KCNK5: variants seen among roughly 807,000 people sequenced by gnomAD.
KCNK5 encodes potassium channel subfamily K member 5.
In KCNK5, 18 loss-of-function variants were observed where a neutral mutation model predicts 32.9. The ratio of observed to expected loss-of-function variants is 0.55; its 90% CI spans 0.38 to 0.81. The LOEUF is 0.81. KCNK5 is among the 30% of genes least tolerant of loss of function. KCNK5 has a pLI of 0.00. For missense variants in KCNK5, 507 were observed against 651.0 expected, an observed-to-expected ratio of 0.78 and a Z score of 2.41; for synonymous variants, 276 against 275.3, an observed-to-expected ratio of 1.00 and a Z score of -0.03.
rs190897362 is a variant in KCNK5, at chr6:39,227,386, A to C, written c.186+1540T>G. Reference sequence around the variant, plus strand: ...TAAAGCAACCCCCTCCCCACAACACACCCCCCAGGGTAGACGCCCATCAGA... The same window carrying C: ...TAAAGCAACCCCCTCCCCACAACACCCCCCCCAGGGTAGACGCCCATCAGA... On this transcript the variant is annotated intron_variant, in intron 1 of 4. Transcript: ENST00000359534. 2.4e-3 allele frequency among the ~76,000 whole-genome samples: 357 copies of C among 151,350 alleles called. 6 individuals carry two copies. The highest frequency in any genetic ancestry group is 6.1e-3 in the African/African-American group (250 of 41,174).
At chr6:39,211,748 G>A (rs149382816) in intron 1 of KCNK5, among the ~76,000 whole-genome samples, 1,908 of 152,170 alleles carry the variant, frequency 0.013, 44 homozygotes, top group African/African-American at 0.043. Context: ...TAGATCACAT[G>A]AGGTCAGGAG....
intron 1 of KCNK5, among the ~76,000 whole-genome samples, chr6:39,223,533 G>A (rs1223711271): frequency 6.6e-6 from 1 of 152,162 alleles, no homozygotes; most frequent in African/African-American, 2.4e-5. Flanking sequence ...GCTTTCCTAT[G>A]GTCTCCTACC....
Position 39,191,348 on chromosome 6 carries a change from A to C in KCNK5, c.1042T>G (p.Ser348Ala). The C allele has an allele frequency of 6.2e-7, 1 of 1,613,800 alleles. No individual in the cohort carries two copies. Residue 348 changes from serine to alanine, a missense_variant, in exon 5 of 5, where the codon TCC becomes GCC. Coordinates refer to ENST00000359534, the MANE Select transcript of KCNK5 (RefSeq NM_003740.4). This position sits in a 1 kb window ranked among gnomAD's most constrained non-coding sequence, Gnocchi z 5.8. ...PPSLVPLVVY[S>A]KNRVPTLEEV... ...TCCAAGGTGGGCACCCGGTTCTTGG[A>C]GTAGACTACCAGGGGCACCAGGGAA...
chr6:39,192,786 G>A (rs959923770), intron 4 of KCNK5, among the ~76,000 whole-genome samples: 23 of 152,212 alleles, frequency 1.5e-4, no homozygotes, highest in Non-Finnish European at 2.5e-4. Context: ...TTGAAATGTC[G>A]TTGACGACTA....
intron 1 of KCNK5, among the ~76,000 whole-genome samples, chr6:39,206,473 G>A (rs2113787743): frequency 6.6e-6 from 1 of 152,308 alleles, no homozygotes; most frequent in South Asian, 2.1e-4. Flanking sequence ...CTTGGAGCAG[G>A]CCAGAAAGGT....
Position 39,190,715 on chromosome 6 carries a change from T to C in KCNK5, c.*175A>G. 1.8e-6 allele frequency: 1 copy of C among 565,734 alleles called. No individual in the cohort carries two copies. Among genetic ancestry groups the C allele is most frequent in the Non-Finnish European group, 2.9e-6 (1 of 344,092 alleles). The allele number at this position is 565,734 out of a possible 1,614,324, so 35.0% of individuals were successfully genotyped here. On this transcript the variant is annotated 3_prime_UTR_variant, in exon 5 of 5. Transcript: ENST00000359534. ...TGGTTCAGCTGGAGAACAGAGGCCC[T>C]GTCCCGGGCATACATCTAGCTGAGG...
intron 1 of KCNK5, among the ~76,000 whole-genome samples, chr6:39,213,178 T>C (rs1771370981): frequency 2.0e-5 from 3 of 152,232 alleles, no homozygotes. Flanking sequence ...CAGATGTTTG[T>C]ATACCTCACA....
chr6:39,201,773 C>T (rs1771137307), intron 1 of KCNK5, among the ~76,000 whole-genome samples: 1 of 152,184 alleles, frequency 6.6e-6, no homozygotes, highest in Admixed American at 6.6e-5. Flanking sequence ...TATTTAAGCA[C>T]TTATGAAGAC....
At chr6:39,214,754 A>C (rs1226942838) in intron 1 of KCNK5, among the ~76,000 whole-genome samples, 1 of 152,146 alleles carries the variant, frequency 6.6e-6, no homozygotes, top group African/African-American at 2.4e-5. Flanking sequence ...GCAGCTAGAA[A>C]GGAGGCAACC....
chr6:39,223,330 G>A lies in KCNK5; in HGVS notation c.186+5596C>T, dbSNP rs548123262. Among the ~76,000 whole-genome samples the A allele has an allele frequency of 3.9e-5, 6 of 152,318 alleles. No individual in the cohort carries two copies. The East Asian group carries it at 7.7e-4, about 20-fold the overall frequency. On this transcript the variant is annotated intron_variant, in intron 1 of 4. Coordinates refer to ENST00000359534, the MANE Select transcript of KCNK5 (RefSeq NM_003740.4). ...CCACCAAGGCCCCGCAGTGGCAGCT[G>A]GACAAAGATCCCTACTGAGGGCAGC...
intron 1 of KCNK5, among the ~76,000 whole-genome samples, chr6:39,204,300 G>A (rs960906994): frequency 1.3e-5 from 2 of 152,238 alleles, no homozygotes; most frequent in Non-Finnish European, 2.9e-5. Context: ...TAAAAACCCA[G>A]GCTCAGCTCA....
intron 1 of KCNK5, among the ~76,000 whole-genome samples, chr6:39,209,616 T>C (rs1388608159): frequency 6.6e-6 from 1 of 152,184 alleles, no homozygotes; most frequent in Non-Finnish European, 1.5e-5. Context: ...AATTCTTCAC[T>C]CTGAGACATA....
intron 1 of KCNK5, among the ~76,000 whole-genome samples, chr6:39,202,632 G>A (rs1771149705): frequency 6.6e-6 from 1 of 152,240 alleles, no homozygotes; most frequent in South Asian, 2.1e-4. Flanking sequence ...AATGTACCGA[G>A]AGCAGGCAAA....
intron 1 of KCNK5, among the ~76,000 whole-genome samples, chr6:39,203,874 A>C (rs1771174545): frequency 1.3e-5 from 2 of 152,226 alleles, no homozygotes; most frequent in Admixed American, 1.3e-4. Context: ...CCTGTCTAAA[A>C]AGGAGTATGC....
At chr6:39,214,039 T>C (rs1257072231) in intron 1 of KCNK5, among the ~76,000 whole-genome samples, 1 of 150,068 alleles carries the variant, frequency 6.7e-6, no homozygotes, top group African/African-American at 2.4e-5. Context: ...AAAAAAAAGA[T>C]GTGTACACAA....
intron 1 of KCNK5, among the ~76,000 whole-genome samples, chr6:39,211,146 G>C (rs1245536594): frequency 6.6e-6 from 1 of 152,204 alleles, no homozygotes; most frequent in African/African-American, 2.4e-5. Context: ...AAAATCACCT[G>C]ATCAGTGTAC....
Position 39,228,990 on chromosome 6 carries a change from T to C in KCNK5, c.122A>G (p.Gln41Arg). ...WKEAKKNYYTQKLHLLKEFPC... is the reference protein window; with the variant it reads ...WKEAKKNYYTRKLHLLKEFPC... Reference sequence around the variant, plus strand: ...GAACTCCTTGAGCAGATGCAGCTTCTGTGTGTAGTAGTTTTTCTTGGCCTC... The same window carrying C: ...GAACTCCTTGAGCAGATGCAGCTTCCGTGTGTAGTAGTTTTTCTTGGCCTC... The change falls in exon 1 of 5, where the codon CAG (glutamine) becomes CGG (arginine). Residue 41 changes from glutamine (Q) to arginine (R), a missense_variant. By Grantham distance (43) the Gln-to-Arg change is conservative (BLOSUM62 1). Around this residue, in one of 6 missense-constraint regions of KCNK5, gnomAD observed 143 missense variants for 219.1 expected, o/e 0.65. Transcript: ENST00000359534. 6.2e-7 allele frequency: 1 copy of C among 1,614,206 alleles called. No individual in the cohort carries two copies. The highest frequency in any genetic ancestry group is 8.5e-7 in the Non-Finnish European group (1 of 1,180,036).
rs1770911626 is a variant in KCNK5, at chr6:39,190,891, C to T, written c.1499G>A (p.Ter500=). Residue 500 remains the stop codon, a stop_retained_variant, in exon 5 of 5, where the codon TGA becomes TAA. Coordinates refer to ENST00000359534, the MANE Select transcript of KCNK5 (RefSeq NM_003740.4). ...YNKANSPKGT[*] ...GTGGGGTGGGGAGCCGGCCCTGCCT[C>T]ATGTGCCCTTGGGGCTGTTAGCCTT... is the stretch of plus-strand genomic sequence containing the variant. The T allele has an allele frequency of 6.8e-7, 1 of 1,467,226 alleles. No individual in the cohort carries two copies. Among genetic ancestry groups the T allele is most frequent in the East Asian group, 2.4e-5 (1 of 41,080 alleles). 90.9% of individuals were successfully genotyped at this position (1,467,226 alleles called of 1,614,324 possible). A position where few individuals can be genotyped will look rare whatever the true frequency, so the allele number is the denominator to read the frequency against.
intron 1 of KCNK5, among the ~76,000 whole-genome samples, chr6:39,196,579 C>G (rs752708074): frequency 6.6e-6 from 1 of 152,192 alleles, no homozygotes; most frequent in African/African-American, 2.4e-5. Flanking sequence ...CTGCTCAGGT[C>G]AGCTCAGTGC....
Sources: gnomAD v4.1 joint callset for allele counts (sites outside exome capture counted in the v4.1 genomes callset) on GRCh38, gnomAD v4.1.1 for gene constraint, gnomAD v4.1.1 regional missense constraint, Gnocchi (gnomAD v3.1) non-coding constraint, MANE v1.5 for transcripts, NCBI Gene and HGNC (gene_info 2026-07-23, HGNC 2026-07-21) for gene names.